ARMC8: variants seen among roughly 807,000 people sequenced by gnomAD.
ARMC8 encodes armadillo repeat-containing protein 8.
In ARMC8, 20 loss-of-function variants were observed where a neutral mutation model predicts 99.3. The observed-to-expected ratio is 0.20, with a 90% CI of 0.14 to 0.29. The LOEUF is 0.29. Ranked by LOEUF, ARMC8 falls within the 10% of genes least tolerant of loss-of-function variation. The pLI is 1.00. For missense variants in ARMC8, 569 were observed against 809.5 expected (o/e 0.70, Z 3.60); for synonymous variants, 263 against 278.3 (o/e 0.95, Z 0.55).
chr3:138,264,894 A>AT (rs771921655), intron 14 of ARMC8, among the ~76,000 whole-genome samples: 283 of 140,112 alleles, frequency 2.0e-3, no homozygotes, highest in South Asian at 3.2e-3. Context: ...CAATCCCTGG[A>AT]TTTTTTTTTT....
chr3:138,223,917 A>G (rs1421391242), intron 5 of ARMC8, among the ~76,000 whole-genome samples, 184 bp downstream of exon 5: 11 of 150,252 alleles, frequency 7.3e-5, no homozygotes, highest in Non-Finnish European at 1.6e-4. Flanking sequence ...TGAGGCCAGG[A>G]GTTCAAGATC....
chr3:138,229,176 A>ATATATG (rs2045892983), intron 6 of ARMC8, 166 bp downstream of exon 6: 1 of 35,782 alleles, frequency 2.8e-5, no homozygotes, highest in African/African-American at 8.6e-5. Context: ...ATATATATAT[A>ATATATG]TATATATGTA....
chr3:138,236,691 CAGACTT>C (rs1334684237), intron 7 of ARMC8, among the ~76,000 whole-genome samples: 1 of 150,140 alleles, frequency 6.7e-6, no homozygotes, highest in Non-Finnish European at 1.5e-5. Flanking sequence ...TGTGTAGACT[CAGACTT>C]AGAAGTGAGG....
chr3:138,212,170 AAGCTTCCTTTTCTCC>A (rs769329097), intron 2 of ARMC8, among the ~76,000 whole-genome samples: 32 of 152,086 alleles, frequency 2.1e-4, no homozygotes, highest in Non-Finnish European at 4.1e-4. Flanking sequence ...TGATTTGATA[AAGCTTCCTTTTCTCC>A]AGATAGAAAT....
intron 19 of ARMC8, among the ~76,000 whole-genome samples, chr3:138,288,390 A>G (rs1005252397): frequency 1.3e-5 from 2 of 152,242 alleles, no homozygotes; most frequent in Admixed American, 6.5e-5. Flanking sequence ...TTGTCATATG[A>G]CAGTGTTTCC....
At chr3:138,197,707 T>C (rs1161523706) in intron 1 of ARMC8, among the ~76,000 whole-genome samples, 1 of 152,204 alleles carries the variant, frequency 6.6e-6, no homozygotes, top group East Asian at 1.9e-4. Context: ...TAGTTCTTGC[T>C]CCCTTGGACT....
chr3:138,250,709 GTCA>G (rs2047083446), intron 12 of ARMC8, among the ~76,000 whole-genome samples: 1 of 152,138 alleles, frequency 6.6e-6, no homozygotes, highest in African/African-American at 2.4e-5. Context: ...TTTCTTCAGA[GTCA>G]TCATTCATAC....
intron 12 of ARMC8, among the ~76,000 whole-genome samples, chr3:138,258,636 G>C (rs1449577631): frequency 1.3e-5 from 2 of 152,208 alleles, no homozygotes; most frequent in Non-Finnish European, 2.9e-5. Context: ...AGGGGGCTCA[G>C]ATCCTGTTCT....
At chr3:138,255,588 G>A (rs1404927957) in intron 12 of ARMC8, among the ~76,000 whole-genome samples, 5 of 152,040 alleles carry the variant, frequency 3.3e-5, no homozygotes, top group Non-Finnish European at 7.4e-5. Context: ...GTGAGAGGAG[G>A]GAAGAAATAC....
In ARMC8 at chr3:138,223,215, AT is replaced by A. The variant is rs1265336136; in HGVS notation, c.195-166del. On this transcript the variant is annotated intron_variant, in intron 3 of 21. Transcript: ENST00000469044. ...TTCTTTTTTTCAAAACCTCTTCTAG[AT>A]TTTTTTTCCAGATGTTTCTTTAATT... is the stretch of plus-strand genomic sequence containing the variant. 2.0e-5 allele frequency among the ~76,000 whole-genome samples: 3 copies of A among 152,038 alleles called. No individual in the cohort carries two copies. In the East Asian group the frequency reaches 5.8e-4, roughly 29 times the overall value.
chr3:138,245,863 A>G (rs1443951506), intron 12 of ARMC8: 4 of 985,454 alleles, frequency 4.1e-6, no homozygotes, highest in Non-Finnish European at 4.8e-6. Flanking sequence ...TCCACAAACC[A>G]AAAAGCTGGA....
intron 9 of ARMC8, chr3:138,238,757 G>T (rs528580912): frequency 6.6e-6 from 1 of 152,164 alleles, no homozygotes; most frequent in South Asian, 2.1e-4. Context: ...TATAACTTTC[G>T]GTAGAAGCCA....
At chr3:138,197,510 T>C (rs938562278) in intron 1 of ARMC8, among the ~76,000 whole-genome samples, 3 of 152,210 alleles carry the variant, frequency 2.0e-5, no homozygotes, top group Non-Finnish European at 4.4e-5. Context: ...ACCTCACCCA[T>C]ATCTGAATAG....
intron 17 of ARMC8, among the ~76,000 whole-genome samples, chr3:138,273,623 C>G (rs2048987471): frequency 6.6e-6 from 1 of 152,158 alleles, no homozygotes; most frequent in South Asian, 2.1e-4. Flanking sequence ...TGGGATACCT[C>G]TCAATGTTCT....
chr3:138,236,769 G>A (rs1480027391), intron 7 of ARMC8, among the ~76,000 whole-genome samples: 2 of 152,062 alleles, frequency 1.3e-5, no homozygotes, highest in African/African-American at 4.8e-5. Flanking sequence ...GGAGCTTCTG[G>A]AAATTGTAAA....
intron 15 of ARMC8, 141 bp downstream of exon 15, chr3:138,267,382 G>T (rs942205907): frequency 1.0e-5 from 5 of 502,240 alleles, no homozygotes; most frequent in East Asian, 3.2e-5. Context: ...AGCGGTAGGG[G>T]TGTGCAAATA....
rs776500223 is a variant in ARMC8 at position 138,289,040 on chromosome 3, A to C, written c.1822-8A>C. On this transcript the variant is annotated splice_polypyrimidine_tract_variant and splice_region_variant and intron_variant, in intron 19 of 21. Coordinates refer to ENST00000469044, the MANE Select transcript of ARMC8 (RefSeq NM_001363941.2). ...TTTTGATTTTTTTTTCTTTTTCTGT[A>C]TTAATAGGGCCATTCACATGTTAAA... 2 of 1,609,206 alleles carry C rather than the reference A, an allele frequency of 1.2e-6. No homozygotes were observed. Among genetic ancestry groups the C allele is most frequent in the South Asian group, 1.1e-5 (1 of 90,438 alleles).
At chr3:138,203,798 A>G (rs1356512595) in intron 1 of ARMC8, among the ~76,000 whole-genome samples, 1 of 152,162 alleles carries the variant, frequency 6.6e-6, no homozygotes, top group Admixed American at 6.5e-5. Flanking sequence ...AATACAACTC[A>G]TTACCTGTTG....
chr3:138,194,574 G>A (rs528682525), intron 1 of ARMC8, among the ~76,000 whole-genome samples: 7 of 151,420 alleles, frequency 4.6e-5, no homozygotes, highest in Admixed American at 1.3e-4. Context: ...TCCTGACCTC[G>A]TGATCTGCCC....
Sources: gnomAD v4.1 joint callset for allele counts (sites outside exome capture counted in the v4.1 genomes callset) on GRCh38, gnomAD v4.1.1 for gene constraint, MANE v1.5 for transcripts, NCBI Gene and HGNC (gene_info 2026-07-23, HGNC 2026-07-21) for gene names.